Variants in KCNH7 observed in about 807,000 individuals in gnomAD.
KCNH7 encodes voltage-gated inwardly rectifying potassium channel KCNH7.
Under a neutral mutation model 120.8 loss-of-function variants are expected in KCNH7, and 49 were observed. That is an observed-to-expected ratio of 0.41 (90% CI 0.32 to 0.51). KCNH7 has a LOEUF of 0.51. Ranked by LOEUF, KCNH7 falls within the 20% of genes least tolerant of loss-of-function variation. The probability of loss-of-function intolerance (pLI) is 0.38; values close to 1 mark genes in which losing one functional copy is unlikely to be tolerated. For missense variants in KCNH7, 1,097 were observed against 1,446.6 expected (o/e 0.76, Z 3.92); for synonymous variants, 547 against 516.1 (o/e 1.06, Z -0.81).
intron 2 of KCNH7, among the ~76,000 whole-genome samples, chr2:162,744,890 C>T (rs570036438): frequency 1.3e-5 from 2 of 152,226 alleles, no homozygotes; most frequent in East Asian, 3.9e-4. Context: ...CTTTTAATTA[C>T]AACTCTAACC....
intron 2 of KCNH7, among the ~76,000 whole-genome samples, chr2:162,651,087 G>A (rs1015687133): frequency 6.6e-6 from 1 of 152,106 alleles, no homozygotes; most frequent in Non-Finnish European, 1.5e-5. Flanking sequence ...CTGCCCAAAG[G>A]TATACTGACC....
At chr2:162,521,981 G>A (rs928923860) in intron 3 of KCNH7, among the ~76,000 whole-genome samples, 62 of 151,902 alleles carry the variant, frequency 4.1e-4, no homozygotes, top group Non-Finnish European at 3.5e-4. Flanking sequence ...ACATGACAAT[G>A]TGCAGACAAA....
chr2:162,624,456 C>G (rs1683472050), intron 2 of KCNH7, among the ~76,000 whole-genome samples: 1 of 152,104 alleles, frequency 6.6e-6, no homozygotes, highest in Non-Finnish European at 1.5e-5. Context: ...GAATTCTTAA[C>G]CCATTGAAAT....
At chr2:162,686,130 G>T (rs957773239) in intron 2 of KCNH7, among the ~76,000 whole-genome samples, 17 of 152,020 alleles carry the variant, frequency 1.1e-4, no homozygotes, top group Admixed American at 8.5e-4. Context: ...ACCATCTGAA[G>T]GGTATAAAAC....
At chr2:162,488,754 T>G (rs1574019589) in intron 6 of KCNH7, among the ~76,000 whole-genome samples, 2 of 152,168 alleles carry the variant, frequency 1.3e-5, no homozygotes, top group East Asian at 3.9e-4. Context: ...TAATAAACTT[T>G]CCCTTTTCAA....
chr2:162,610,623 T>C (rs1167851066), intron 2 of KCNH7, among the ~76,000 whole-genome samples: 1 of 152,224 alleles, frequency 6.6e-6, no homozygotes, highest in African/African-American at 2.4e-5. Context: ...AGCAAAATCA[T>C]AATCTACTTA....
chr2:162,721,608 T>A (rs752280218), intron 2 of KCNH7, among the ~76,000 whole-genome samples: 2 of 152,128 alleles, frequency 1.3e-5, no homozygotes, highest in African/African-American at 4.8e-5. Context: ...GATTAACCAT[T>A]TGGTTGCCTT....
intron 2 of KCNH7, among the ~76,000 whole-genome samples, chr2:162,681,723 A>C (rs1685716445): frequency 6.6e-6 from 1 of 151,742 alleles, no homozygotes; most frequent in Non-Finnish European, 1.5e-5. Flanking sequence ...TGTTGGCTAC[A>C]AGCATAACAG....
chr2:162,598,123 C>T (rs567203878), intron 2 of KCNH7, among the ~76,000 whole-genome samples: 67 of 152,138 alleles, frequency 4.4e-4, no homozygotes, highest in Non-Finnish European at 8.8e-5. Flanking sequence ...AAAAATTTCT[C>T]TCATTTTAAA....
intron 2 of KCNH7, among the ~76,000 whole-genome samples, chr2:162,806,194 C>G (rs1430249030): frequency 6.6e-6 from 1 of 151,936 alleles, no homozygotes; most frequent in Non-Finnish European, 1.5e-5. Context: ...TGTAATTCAT[C>G]CATGTAACTG....
chr2:162,659,578 G>A lies in KCNH7; in HGVS notation c.308-122498C>T, dbSNP rs536412842. 3.3e-5 allele frequency among the ~76,000 whole-genome samples: 5 copies of A among 152,186 alleles called. No homozygotes were observed. In the South Asian group the frequency reaches 1.0e-3, roughly 32 times the overall value. ...GCTTGTGTCAAACTCCTGACCTCAA[G>A]TGATCCAGCCCAGCTCAACCTCCCA... On this transcript the variant is annotated intron_variant, in intron 2 of 15. Coordinates refer to ENST00000332142, the MANE Select transcript of KCNH7 (RefSeq NM_033272.4).
chr2:162,498,608 C>T (rs1419257498), intron 6 of KCNH7, among the ~76,000 whole-genome samples: 1 of 152,016 alleles, frequency 6.6e-6, no homozygotes, highest in Non-Finnish European at 1.5e-5. Context: ...AGGCTTGCTT[C>T]TCCCTCTGCA....
chr2:162,528,176 A>G (rs1691779878), intron 3 of KCNH7: 1 of 152,016 alleles, frequency 6.6e-6, no homozygotes, highest in Admixed American at 6.6e-5. Flanking sequence ...CATGTATTAG[A>G]TACTTACTAT....
At chr2:162,779,717 C>T (rs1386255657) in intron 2 of KCNH7, among the ~76,000 whole-genome samples, 2 of 152,130 alleles carry the variant, frequency 1.3e-5, no homozygotes, top group Admixed American at 6.5e-5. Context: ...TTGATAACGT[C>T]ACCTGGTGGT....
chr2:162,732,914 G>A (rs1687776998), intron 2 of KCNH7, among the ~76,000 whole-genome samples: 1 of 152,104 alleles, frequency 6.6e-6, no homozygotes, highest in African/African-American at 2.4e-5. Context: ...TTGTTAATCT[G>A]GCACTTTGTT....
chr2:162,575,805 T>C (rs528289981), intron 2 of KCNH7, among the ~76,000 whole-genome samples: 2 of 152,266 alleles, frequency 1.3e-5, no homozygotes, highest in South Asian at 2.1e-4. Flanking sequence ...GGATTATGTT[T>C]ATGTCAGTTG....
At chr2:162,384,369 G>A (rs1231333387) in intron 13 of KCNH7, among the ~76,000 whole-genome samples, 1 of 151,766 alleles carries the variant, frequency 6.6e-6, no homozygotes, top group African/African-American at 2.4e-5. Flanking sequence ...TTGATTAACT[G>A]TCTTAAAATA....
At chr2:162,467,664 T>C (rs1689353292) in intron 6 of KCNH7, among the ~76,000 whole-genome samples, 1 of 152,224 alleles carries the variant, frequency 6.6e-6, no homozygotes, top group South Asian at 2.1e-4. Flanking sequence ...CATTCCTTTA[T>C]AGTAACAGAA....
intron 14 of KCNH7, among the ~76,000 whole-genome samples, chr2:162,375,796 C>T (rs547428125): frequency 5.3e-4 from 80 of 151,170 alleles, no homozygotes; most frequent in African/African-American, 1.5e-4. Context: ...CCTGTGGTCC[C>T]GGCTACTCAG....
Sources: allele counts gnomAD v4.1 joint callset (sites outside exome capture counted in the v4.1 genomes callset), GRCh38; gene constraint gnomAD v4.1.1; transcripts MANE v1.5; gene names NCBI Gene and HGNC (gene_info 2026-07-23, HGNC 2026-07-21).